The following DNASE1 variants were observed in gnomAD, a reference collection of about 807,000 sequenced individuals.
DNASE1 encodes deoxyribonuclease 1, also known as deoxyribonuclease-1.
Under a neutral mutation model 33.9 loss-of-function variants are expected in DNASE1, and 40 were observed. The ratio of observed to expected loss-of-function variants is 1.18; its 90% CI spans 0.92 to 1.54. DNASE1 has a LOEUF of 1.54. DNASE1 is among the 40% of genes most tolerant of loss of function. The pLI is 0.00. For missense variants in DNASE1, 518 were observed against 372.6 expected (o/e 1.39, Z -3.21); for synonymous variants, 216 against 160.0 (o/e 1.35, Z -2.64).
upstream of DNASE1, chr16:3,640,894 C>T: frequency 2.5e-6 from 1 of 398,622 alleles, no homozygotes; most frequent in Non-Finnish European, 4.4e-6. Flanking sequence ...GGACAGGAGC[C>T]CGTCACCCAT....
chr16:3,627,462 A>G (rs371005668), intron 1 of DNASE1, among the ~76,000 whole-genome samples: 1 of 151,732 alleles, frequency 6.6e-6, no homozygotes, highest in Non-Finnish European at 1.5e-5. Flanking sequence ...TTTTTTATAG[A>G]GACAAGGCCT....
At chr16:3,661,922 A>T, downstream of DNASE1, 1 of 1,510,030 alleles carries the variant, frequency 6.6e-7, no homozygotes, top group Non-Finnish European at 8.8e-7. Flanking sequence ...TCCACAACAA[A>T]AGAACACCAC....
At position 3,657,726 on chromosome 16, in the gene DNASE1, G is replaced by A; in HGVS notation, c.711G>A (p.Val237=). 13 of 1,613,984 alleles carry A rather than the reference G, an allele frequency of 8.1e-6. 1 individual carries two copies. The highest frequency in any genetic ancestry group is 1.1e-5 in the Non-Finnish European group (13 of 1,179,994). The change falls in exon 8 of 9, where the codon GTG becomes GTA. Residue 237 remains valine (V), a synonymous_variant. Transcript: ENST00000246949. ...TPTHCAYDRI[V]VAGMLLRGAV... Reference sequence around the variant, plus strand: ...TCTTCCCAACACCCATCAGGATCGTGGTTGCAGGGATGCTGCTCCGAGGCG... The same window carrying A: ...TCTTCCCAACACCCATCAGGATCGTAGTTGCAGGGATGCTGCTCCGAGGCG...
chr16:3,658,137 G>A (rs371020906), downstream of DNASE1: 223 of 1,613,948 alleles, frequency 1.4e-4, no homozygotes, highest in East Asian at 3.6e-4. Flanking sequence ...TGTCAGTGTC[G>A]CTCCAGGGCC....
At chr16:3,646,954 C>A (rs2042190840) in intron 1 of DNASE1, among the ~76,000 whole-genome samples, 1 of 152,074 alleles carries the variant, frequency 6.6e-6, no homozygotes, top group South Asian at 2.1e-4. Flanking sequence ...AATCTGGGGC[C>A]ATTGTGGCTG....
Position 3,657,988 on chromosome 16 carries a change from G to C in DNASE1, c.*35G>C, listed in dbSNP as rs751780862. 5 of 1,612,958 alleles carry C rather than the reference G, an allele frequency of 3.1e-6. No homozygotes were observed. Among genetic ancestry groups the C allele is most frequent in the Middle Eastern group, 1.6e-4 (1 of 6,062 alleles). On this transcript the variant is annotated 3_prime_UTR_variant, in exon 9 of 9. Coordinates refer to ENST00000246949, the MANE Select transcript of DNASE1 (RefSeq NM_005223.4). The stretch of plus-strand genomic sequence containing the variant: ...CCCCACACCAGTTGAACTGCAGGAA[G>C]AGAGGACCCATCCTGCCACAGGACC...
chr16:3,622,226 A>G (rs964507753), intron 1 of DNASE1, among the ~76,000 whole-genome samples: 6 of 151,976 alleles, frequency 3.9e-5, no homozygotes, highest in African/African-American at 1.5e-4. Context: ...AAAAAAAAAA[A>G]AAAAAACGGA....
downstream of DNASE1, chr16:3,660,039 C>T (rs1038562579): frequency 5.2e-4 from 79 of 152,286 alleles, no homozygotes; most frequent in African/African-American, 1.6e-3. Context: ...ACAGAGGAAA[C>T]ACTTCAAATG....
intron 1 of DNASE1, among the ~76,000 whole-genome samples, chr16:3,628,712 C>T (rs1461215554): frequency 6.6e-6 from 1 of 151,430 alleles, no homozygotes; most frequent in African/African-American, 2.4e-5. Context: ...GCGCCCGCCA[C>T]CACGCCCGGC....
At chr16:3,655,616 GTGGGGTACT>G (rs1214563938) in intron 2 of DNASE1, 96 bp downstream of exon 2, 54 of 1,578,926 alleles carry the variant, frequency 3.4e-5, no homozygotes, top group Non-Finnish European at 4.2e-5. Flanking sequence ...GGTGTCGGGT[GTGGGGTACT>G]GAGCACCACT....
At chr16:3,619,011 T>C (rs1409108998) in intron 1 of DNASE1, among the ~76,000 whole-genome samples, 1 of 151,890 alleles carries the variant, frequency 6.6e-6, no homozygotes, top group Non-Finnish European at 1.5e-5. Context: ...AGCCTACCTG[T>C]AGCTAGAGCT....
At chr16:3,663,646 G>C in exon 10 of DNASE1, 4 of 1,571,358 alleles carry the variant, frequency 2.5e-6, no homozygotes, top group Middle Eastern at 4.2e-4. Flanking sequence ...CAGGAGGGCT[G>C]GGGGAGCCAA....
At chr16:3,656,509 C>T in intron 4 of DNASE1, 129 bp from the exon 5 acceptor site, 2 of 689,554 alleles carry the variant, frequency 2.9e-6, no homozygotes, top group African/African-American at 1.8e-5. Flanking sequence ...GGTCCCGGAC[C>T]AATGGGTTGA....
Position 3,656,099 on chromosome 16 carries a change from C to T in DNASE1, c.237-3C>T. 1.2e-6 allele frequency: 2 copies of T among 1,614,098 alleles called. No individual in the cohort carries two copies. The highest frequency in any genetic ancestry group is 1.7e-6 in the Non-Finnish European group (2 of 1,179,988). ...ACTGGGACCTTTTGTTTCTTCAATC[C>T]AGGGATGCACCAGACACCTATCACT... On this transcript the variant is annotated splice_polypyrimidine_tract_variant and splice_region_variant and intron_variant, in intron 3 of 8. Transcript: ENST00000246949.
intron 1 of DNASE1, among the ~76,000 whole-genome samples, chr16:3,619,330 C>T (rs2041221045): frequency 6.6e-6 from 1 of 151,852 alleles, no homozygotes; most frequent in Admixed American, 6.6e-5. Flanking sequence ...GCCACAATGC[C>T]TGGCCTGTGG....
rs1211183760 is a variant in DNASE1, at chr16:3,655,930, CTCAA to C, written c.233_236del (p.Asn78ArgfsTer85). On this transcript the variant is annotated frameshift_variant, in exon 3 of 9. Coordinates refer to ENST00000246949, the MANE Select transcript of DNASE1 (RefSeq NM_005223.4). LOFTEE classifies it high-confidence loss of function. ...TGCCGTGGGGAAGCTGCTGGACAAC[CTCAA>C]TCAGTGGGTGACAGTGGCAGGGTCA... The C allele has an allele frequency of 1.9e-6, 3 of 1,613,620 alleles. No homozygotes were observed. Among genetic ancestry groups the C allele is most frequent in the Non-Finnish European group, 2.5e-6 (3 of 1,179,724 alleles).
upstream of DNASE1, chr16:3,641,138 G>A (rs750491623): frequency 1.3e-5 from 5 of 395,144 alleles, no homozygotes; most frequent in Non-Finnish European, 2.2e-5. Context: ...GGCCAGCATG[G>A]CCCTGCTGCA....
At chr16:3,643,909 C>T (rs774870820) in intron 1 of DNASE1, among the ~76,000 whole-genome samples, 1 of 152,034 alleles carries the variant, frequency 6.6e-6, no homozygotes, top group Non-Finnish European at 1.5e-5. Context: ...TACAGGCGCC[C>T]GCCATCATGC....
chr16:3,647,015 G>A (rs2042193149), intron 1 of DNASE1, among the ~76,000 whole-genome samples: 1 of 152,136 alleles, frequency 6.6e-6, no homozygotes, highest in South Asian at 2.1e-4. Context: ...CTGTCTGAGG[G>A]GAGATGTCCC....
Sources: allele counts gnomAD v4.1 joint callset (sites outside exome capture counted in the v4.1 genomes callset), GRCh38; gene constraint gnomAD v4.1.1; transcripts MANE v1.5; gene names NCBI Gene and HGNC (gene_info 2026-07-23, HGNC 2026-07-21).